Variants in BCL2L14 observed in about 807,000 individuals in gnomAD.
BCL2L14 encodes apoptosis facilitator Bcl-2-like protein 14.
In BCL2L14, 27 loss-of-function variants were observed where a neutral mutation model predicts 35.3. That is an observed-to-expected ratio of 0.76 (90% CI 0.56 to 1.05). BCL2L14 has a LOEUF of 1.05. BCL2L14 is among the 50% of genes least tolerant of loss of function. The pLI is 0.00. For synonymous variants in BCL2L14, 139 were observed against 145.9 expected, an observed-to-expected ratio of 0.95 and a Z score of 0.34; for missense variants, 377 against 382.6, an observed-to-expected ratio of 0.99 and a Z score of 0.12.
intron 1 of BCL2L14, chr12:12,072,143 CTG>C (rs1948680743): frequency 6.6e-6 from 1 of 152,286 alleles, no homozygotes; most frequent in African/African-American, 2.4e-5. Context: ...TCCAGCGTAA[CTG>C]GGGCACTGGG....
chr12:12,096,933 G>A (rs185885850), intron 5 of BCL2L14, among the ~76,000 whole-genome samples: 1 of 152,256 alleles, frequency 6.6e-6, no homozygotes, highest in African/African-American at 2.4e-5. Context: ...CACGAGGTCA[G>A]GAGATCGAGA....
chr12:12,056,975 G>C (rs1176757924), intron 2 of BCL2L14, among the ~76,000 whole-genome samples: 1 of 152,210 alleles, frequency 6.6e-6, no homozygotes, highest in East Asian at 1.9e-4. Flanking sequence ...CAACGTTAAA[G>C]ATTATTTCTT....
intron 2 of BCL2L14, among the ~76,000 whole-genome samples, chr12:12,083,977 G>A (rs2136758188): frequency 6.6e-6 from 1 of 152,038 alleles, no homozygotes; most frequent in East Asian, 1.9e-4. Flanking sequence ...CTCAGCTCGT[G>A]GCTTCCACCT....
intron 2 of BCL2L14, among the ~76,000 whole-genome samples, chr12:12,081,552 T>A (rs1349978263): frequency 1.6e-5 from 1 of 63,864 alleles, no homozygotes; most frequent in Non-Finnish European, 3.5e-5. Context: ...AAAGCCCAGA[T>A]TTTTTTTTTT....
At chr12:12,083,080 T>C (rs563870298) in intron 2 of BCL2L14, among the ~76,000 whole-genome samples, 64 of 152,316 alleles carry the variant, frequency 4.2e-4, no homozygotes, top group African/African-American at 1.4e-3. Context: ...TTCTCCTGCC[T>C]CAGCCTCCCG....
At chr12:12,086,214 A>T (rs1275901946) in intron 2 of BCL2L14, among the ~76,000 whole-genome samples, 3 of 152,200 alleles carry the variant, frequency 2.0e-5, no homozygotes, top group African/African-American at 7.2e-5. Context: ...GCTACTCAGG[A>T]GGCTGAGGTG....
intron 2 of BCL2L14, among the ~76,000 whole-genome samples, chr12:12,061,029 G>C (rs144029589): frequency 0.78 from 75,154 of 96,374 alleles, 29,720 homozygotes; most frequent in East Asian, 0.9. Flanking sequence ...AACTGTTGTG[G>C]GTATTGATGG....
Position 12,064,631 on chromosome 12 carries a change from A to G in BCL2L14, c.-272+12784A>G, listed in dbSNP as rs977016395. 1.4e-4 allele frequency among the ~76,000 whole-genome samples: 21 copies of G among 152,170 alleles called. 1 individual carries two copies. ...CCAACTAGGCTCAGAATTCTCTCTC[A>G]ACCATCTCCAATTTTACAGTAAAAT... On this transcript the variant is annotated intron_variant, in intron 2 of 3. Coordinates refer to the BCL2L14 transcript ENST00000461264.
chr12:12,076,150 AAAATGCATGGGGGAGGGTGGGATGCCCG>A (rs1295120966), intron 1 of BCL2L14, among the ~76,000 whole-genome samples: 1 of 117,988 alleles, frequency 8.5e-6, no homozygotes, highest in Non-Finnish European at 1.8e-5. Context: ...GGATGCCCGG[AAAATGCATGGGGGAGGGTGGGATGCCCG>A]GAAAATGCAT....
At chr12:12,096,601 A>G (rs1174809913) in intron 5 of BCL2L14, among the ~76,000 whole-genome samples, 3 of 152,238 alleles carry the variant, frequency 2.0e-5, no homozygotes, top group Admixed American at 6.5e-5. Flanking sequence ...TCTCCAAAGA[A>G]TATATATAAA....
intron 4 of BCL2L14, among the ~76,000 whole-genome samples, chr12:12,092,666 G>GC (rs1257873848): frequency 1.3e-5 from 2 of 152,204 alleles, no homozygotes; most frequent in Non-Finnish European, 2.9e-5. Context: ...CCACTTGGCT[G>GC]CCTGCTAGGG....
chr12:12,091,709 G>A (rs1315020124), intron 4 of BCL2L14, among the ~76,000 whole-genome samples: 1 of 152,214 alleles, frequency 6.6e-6, no homozygotes, highest in East Asian at 1.9e-4. Flanking sequence ...GGGACAGAAT[G>A]AGAAACAGCG....
At chr12:12,062,223 C>T (rs1473733156) in intron 2 of BCL2L14, among the ~76,000 whole-genome samples, 3 of 139,090 alleles carry the variant, frequency 2.2e-5, no homozygotes, top group East Asian at 2.0e-4. Flanking sequence ...TTGTTCCTGG[C>T]CCGGACTTCA....
chr12:12,084,294 C>G (rs1333424756), intron 2 of BCL2L14, among the ~76,000 whole-genome samples: 1 of 152,174 alleles, frequency 6.6e-6, no homozygotes, highest in Non-Finnish European at 1.5e-5. Context: ...TGAAACTGCC[C>G]CCAGCTTCTG....
At chr12:12,075,735 C>G (rs192273908) in intron 1 of BCL2L14, among the ~76,000 whole-genome samples, 2,568 of 152,168 alleles carry the variant, frequency 0.017, 38 homozygotes, top group African/African-American at 0.024. Flanking sequence ...GGATATGTTT[C>G]TTATGTCTCT....
At chr12:12,079,085 G>T (rs370783081) in intron 1 of BCL2L14, among the ~76,000 whole-genome samples, 6 of 152,300 alleles carry the variant, frequency 3.9e-5, no homozygotes, top group African/African-American at 1.4e-4. Context: ...GTGAGCCACC[G>T]CACCCGGCAG....
At position 12,050,445 on chromosome 12, in the gene BCL2L14, A is replaced by G. The variant is rs865917357; in HGVS notation, c.-324+491A>G. On this transcript the variant is annotated intron_variant, in intron 1 of 3. Coordinates refer to the BCL2L14 transcript ENST00000461264. ...GAGACACCATCTCAAAAAAAAAAAA[A>G]AAAAGAAAAGAAAAGAAAAGAAGAA... Among the ~76,000 whole-genome samples, 241 of 131,112 alleles carry G rather than the reference A, an allele frequency of 1.8e-3. 1 individual carries two copies. The highest frequency in any genetic ancestry group is 5.5e-3 in the African/African-American group (184 of 33,382). The allele number at this position is 131,112 out of a possible 152,430, so 86.0% of individuals were successfully genotyped here. A position where few individuals can be genotyped will look rare whatever the true frequency, so the allele number is the denominator to read the frequency against.
At chr12:12,050,642 T>C in intron 1 of BCL2L14, among the ~76,000 whole-genome samples, 1 of 150,696 alleles carries the variant, frequency 6.6e-6, no homozygotes, top group East Asian at 1.9e-4. Context: ...GAGAAGGAAA[T>C]AGAATAGGCA....
chr12:12,069,328 T>C (rs1948630032), upstream of BCL2L14, among the ~76,000 whole-genome samples: 1 of 152,154 alleles, frequency 6.6e-6, no homozygotes. Context: ...CTTGCAGGCT[T>C]GAGACACTGA....
Sources: gnomAD v4.1 joint callset for allele counts (sites outside exome capture counted in the v4.1 genomes callset) on GRCh38, gnomAD v4.1.1 for gene constraint, MANE v1.5 for transcripts, NCBI Gene and HGNC (gene_info 2026-07-23, HGNC 2026-07-21) for gene names.